Variants in COL11A1 observed in about 807,000 individuals in gnomAD.
COL11A1 encodes collagen alpha-1(XI) chain.
In COL11A1, 74 loss-of-function variants were observed where a neutral mutation model predicts 265.2. The observed-to-expected ratio is 0.28, with a 90% CI of 0.23 to 0.34. The LOEUF is 0.34. Among genes scored for constraint, COL11A1 ranks in the 10% least tolerant of loss-of-function variants. The pLI, the probability that COL11A1 is intolerant of heterozygous loss-of-function variation, is 1.00. For missense variants in COL11A1, 2,165 were observed against 2,263.6 expected (o/e 0.96, Z 0.88); for synonymous variants, 816 against 727.6 (o/e 1.12, Z -1.96).
chr1:102,925,890 C>T (rs572532689), intron 46 of COL11A1, among the ~76,000 whole-genome samples: 4 of 151,904 alleles, frequency 2.6e-5, no homozygotes, highest in East Asian at 1.9e-4. Flanking sequence ...AATTACATTC[C>T]TTATTTTTTG....
chr1:102,914,679 A>T (rs763904785), intron 51 of COL11A1, 25 bp downstream of exon 51: 37 of 1,566,336 alleles, frequency 2.4e-5, no homozygotes, highest in Non-Finnish European at 3.0e-5. Context: ...TAAATGCCAC[A>T]TTAGAGGGGA....
intron 50 of COL11A1, among the ~76,000 whole-genome samples, 188 bp from the exon 51 acceptor site, chr1:102,914,999 G>T (rs1655150540): frequency 6.6e-6 from 1 of 152,030 alleles, no homozygotes; most frequent in Non-Finnish European, 1.5e-5. Flanking sequence ...CTGCCTCCCA[G>T]GTTCAAGCGA....
intron 4 of COL11A1, among the ~76,000 whole-genome samples, chr1:103,049,715 C>T (rs1000583829): frequency 6.6e-6 from 1 of 152,146 alleles, no homozygotes; most frequent in African/African-American, 2.4e-5. Context: ...TACAATTTGG[C>T]ATGTTTTTGC....
intron 66 of COL11A1, among the ~76,000 whole-genome samples, chr1:102,878,569 G>A (rs1209470794): frequency 7.1e-6 from 1 of 140,984 alleles, no homozygotes. Context: ...AGGCTGGAGA[G>A]CAGTGATCTC....
intron 14 of COL11A1, among the ~76,000 whole-genome samples, chr1:103,009,036 T>C (rs902691288): frequency 2.6e-5 from 4 of 152,224 alleles, no homozygotes; most frequent in Non-Finnish European, 5.9e-5. Flanking sequence ...CGTGAAATAG[T>C]GTTAACACAT....
At chr1:102,921,615 T>C (rs888795448) in intron 47 of COL11A1, 44 bp from the exon 48 acceptor site, 1 of 1,486,972 alleles carries the variant, frequency 6.7e-7, no homozygotes, top group African/African-American at 1.4e-5. Context: ...CAAATTCAAA[T>C]GTGTTTCCAA....
At chr1:102,936,238 CAAA>C (rs766344666) in intron 44 of COL11A1, among the ~76,000 whole-genome samples, 3 of 123,558 alleles carry the variant, frequency 2.4e-5, no homozygotes, top group African/African-American at 3.0e-5. Context: ...GTGCTTGTCT[CAAA>C]AAAAAAAAAA....
chr1:103,018,951 A>G (rs1666781171), intron 9 of COL11A1, 92 bp from the exon 10 acceptor site: 7 of 985,608 alleles, frequency 7.1e-6, no homozygotes, highest in Non-Finnish European at 1.1e-5. Context: ...ATCATTGCAT[A>G]TTAAATAGTG....
At chr1:102,925,951 CA>C (rs1391611890) in intron 46 of COL11A1, among the ~76,000 whole-genome samples, 4 of 151,926 alleles carry the variant, frequency 2.6e-5, no homozygotes, top group African/African-American at 9.7e-5. Flanking sequence ...TTAGTATCCC[CA>C]AATTAAAAGG....
chr1:102,962,852 A>T, intron 38 of COL11A1, 92 bp from the exon 39 acceptor site: 1 of 1,142,254 alleles, frequency 8.8e-7, no homozygotes, highest in Admixed American at 1.9e-5. Context: ...CATTTACAAA[A>T]GTTTATCATC....
intron 65 of COL11A1, among the ~76,000 whole-genome samples, chr1:102,881,442 TA>T (rs1313306886): frequency 6.6e-6 from 1 of 152,156 alleles, no homozygotes; most frequent in Non-Finnish European, 1.5e-5. Flanking sequence ...CTCAGGTACT[TA>T]ATAAATTGTA....
chr1:102,922,287 T>G (rs182608777), intron 47 of COL11A1, among the ~76,000 whole-genome samples: 1 of 152,360 alleles, frequency 6.6e-6, no homozygotes, highest in East Asian at 1.9e-4. Flanking sequence ...TACTACCGTG[T>G]AATCAGGAAG....
At chr1:102,915,208 T>C (rs1019059255) in intron 50 of COL11A1, among the ~76,000 whole-genome samples, 2 of 152,166 alleles carry the variant, frequency 1.3e-5, no homozygotes, top group Non-Finnish European at 2.9e-5. Context: ...CCCTCCACGT[T>C]TGAAGACCAA....
intron 2 of COL11A1, among the ~76,000 whole-genome samples, chr1:103,082,126 C>T (rs957852068): frequency 2.0e-5 from 3 of 151,950 alleles, no homozygotes; most frequent in African/African-American, 7.2e-5. Context: ...TCAATTAGTG[C>T]TCTCATGGAA....
chr1:103,047,907 A>G (rs1669438729), intron 4 of COL11A1, among the ~76,000 whole-genome samples: 1 of 152,208 alleles, frequency 6.6e-6, no homozygotes, highest in South Asian at 2.1e-4. Context: ...GATTACCTTT[A>G]TTGATTTGCG....
At chr1:103,078,915 T>A in intron 2 of COL11A1, 44 bp from the exon 3 acceptor site, 1 of 1,380,220 alleles carries the variant, frequency 7.2e-7, no homozygotes, top group Non-Finnish European at 1.0e-6. Flanking sequence ...CAATTTCCAA[T>A]TTCTACTTTA....
intron 1 of COL11A1, among the ~76,000 whole-genome samples, chr1:103,092,237 T>A (rs1263394748): frequency 6.6e-6 from 1 of 152,086 alleles, no homozygotes; most frequent in Non-Finnish European, 1.5e-5. Flanking sequence ...CAGTTATGTA[T>A]GAATATGGTT....
intron 1 of COL11A1, among the ~76,000 whole-genome samples, chr1:103,102,645 A>G (rs1674373579): frequency 6.6e-6 from 1 of 152,046 alleles, no homozygotes; most frequent in Non-Finnish European, 1.5e-5. Flanking sequence ...ATAAAAGTGT[A>G]TCTAATAAAA....
intron 1 of COL11A1, among the ~76,000 whole-genome samples, chr1:103,106,340 A>G (rs578063738): frequency 6.6e-6 from 1 of 152,322 alleles, no homozygotes; most frequent in Non-Finnish European, 1.5e-5. Context: ...AATAGCTGCC[A>G]TTACAATATT....
Sources: allele counts gnomAD v4.1 joint callset (sites outside exome capture counted in the v4.1 genomes callset), GRCh38; gene constraint gnomAD v4.1.1; transcripts MANE v1.5; gene names NCBI Gene and HGNC (gene_info 2026-07-23, HGNC 2026-07-21).